WWC1: variants seen among roughly 807,000 people sequenced by gnomAD.
The protein encoded by WWC1 is protein KIBRA.
Under a neutral mutation model 138.4 loss-of-function variants are expected in WWC1, and 55 were observed. The observed-to-expected ratio is 0.40, with a 90% confidence interval of 0.32 to 0.50. WWC1 has a LOEUF of 0.50. Among genes scored for constraint, WWC1 ranks in the 20% least tolerant of loss-of-function variants. WWC1 has a pLI of 0.72. For missense variants in WWC1, 1,226 were observed against 1,420.4 expected (o/e 0.86, Z 2.20); for synonymous variants, 524 against 564.9 (o/e 0.93, Z 1.03).
chr5:168,446,773 A>C (rs1454955384), intron 17 of WWC1, among the ~76,000 whole-genome samples: 1 of 152,252 alleles, frequency 6.6e-6, no homozygotes, highest in Non-Finnish European at 1.5e-5. Flanking sequence ...GATCAGGTGC[A>C]AAGCACATAG....
intron 17 of WWC1, among the ~76,000 whole-genome samples, chr5:168,449,554 C>G (rs1301441489): frequency 6.8e-6 from 1 of 146,354 alleles, no homozygotes; most frequent in African/African-American, 2.5e-5. Context: ...CCTGTGTGTT[C>G]ACATGTTTAA....
chr5:168,321,825 C>T (rs1471962267), intron 1 of WWC1, among the ~76,000 whole-genome samples: 5 of 152,256 alleles, frequency 3.3e-5, no homozygotes, highest in East Asian at 3.8e-4. Flanking sequence ...GCGTGAGCCA[C>T]GGTGCCCAGC....
chr5:168,385,359 G>A lies in WWC1; in HGVS notation c.378G>A (p.Gln126=). 1 of 1,614,104 alleles carries A rather than the reference G, an allele frequency of 6.2e-7. No individual in the cohort carries two copies. The highest frequency in any genetic ancestry group is 1.3e-5 in the African/African-American group (1 of 75,050). Reference sequence around the variant, plus strand: ...AGCAGCGCCTGGAGCTTGCACAGCAGGAGTACCAGCAACTGCATGCCGTCT... The same window carrying A: ...AGCAGCGCCTGGAGCTTGCACAGCAAGAGTACCAGCAACTGCATGCCGTCT... The part of the protein sequence containing the change: ...VKQQRLELAQ[Q]EYQQLHAVWE... Residue 126 remains glutamine (Q), a synonymous_variant, in exon 3 of 23, where the codon CAG becomes CAA. Transcript: ENST00000265293.
rs933956190 is a variant in WWC1, at chr5:168,414,440, A to T, written c.1034A>T (p.Asn345Ile). Residue 345 changes from asparagine to isoleucine, a missense_variant, in exon 9 of 23, where the codon AAC becomes ATC. Around this residue, in one of 3 missense-constraint regions of WWC1, gnomAD observed 1,016 missense variants for 1,153.9 expected, o/e 0.88. Transcript: ENST00000265293. ...GAGAGGGACCGGCTGATCCTTATCA[A>T]CGAGAAGGAGGAGCTGCTGAAGGAG... ...DSERDRLILI[N>I]EKEELLKEMR... 11 of 1,587,624 alleles carry T rather than the reference A, an allele frequency of 6.9e-6. No individual in the cohort carries two copies. In the East Asian group the frequency reaches 1.1e-4, roughly 16 times the overall value.
intron 8 of WWC1, among the ~76,000 whole-genome samples, chr5:168,410,606 G>A (rs1220595417): frequency 1.3e-5 from 2 of 152,168 alleles, no homozygotes; most frequent in Non-Finnish European, 2.9e-5. Context: ...GTCTCGCTAT[G>A]TTACTCAGGC....
rs2152842026 is a variant in WWC1 at position 168,412,178 on chromosome 5, G to A, written c.942-2170G>A. 3.0e-6 allele frequency: 3 copies of A among 985,408 alleles called. No homozygotes were observed. The East Asian group carries it at 3.4e-4, about 112-fold the overall frequency. The allele number at this position is 985,408 out of a possible 1,614,324, so 61.0% of individuals were successfully genotyped here. On this transcript the variant is annotated intron_variant, in intron 8 of 22. Transcript: ENST00000265293. ...ACTGCAGTGCTCTCTCTGGAGTTGA[G>A]CCATTAGACTTCTCATCACAGAGCT...
chr5:168,319,471 G>T (rs1415930126), intron 1 of WWC1, among the ~76,000 whole-genome samples: 8 of 152,136 alleles, frequency 5.3e-5, no homozygotes, highest in Admixed American at 5.2e-4. Context: ...CATTCTGTTA[G>T]GTACATACCC....
intron 2 of WWC1, among the ~76,000 whole-genome samples, chr5:168,380,353 T>A (rs896566357): frequency 6.6e-6 from 1 of 152,000 alleles, no homozygotes; most frequent in Non-Finnish European, 1.5e-5. Flanking sequence ...TGCCAAGTAG[T>A]CCCAGCTACT....
chr5:168,361,346 A>G (rs1244111819), intron 1 of WWC1, among the ~76,000 whole-genome samples: 1 of 152,136 alleles, frequency 6.6e-6, no homozygotes, highest in Non-Finnish European at 1.5e-5. Context: ...TCTTCATTCT[A>G]CTGTGGTGTG....
At chr5:168,336,590 A>C (rs912124323) in intron 1 of WWC1, among the ~76,000 whole-genome samples, 1,701 of 151,198 alleles carry the variant, frequency 0.011, 17 homozygotes, top group Non-Finnish European at 0.021. Context: ...AAAAAAAAAA[A>C]AAAAACAATA....
At chr5:168,327,485 T>C (rs952663359) in intron 1 of WWC1, among the ~76,000 whole-genome samples, 7 of 152,234 alleles carry the variant, frequency 4.6e-5, no homozygotes, top group African/African-American at 7.2e-5. Context: ...TCATGCCCAA[T>C]TGGCAAGTTG....
chr5:168,452,942 T>C (rs1404847543), intron 17 of WWC1, among the ~76,000 whole-genome samples: 1 of 152,172 alleles, frequency 6.6e-6, no homozygotes, highest in Non-Finnish European at 1.5e-5. Flanking sequence ...AGGAGTGAAC[T>C]GTCTGGGCGC....
At position 168,364,003 on chromosome 5, in the gene WWC1, ACG is replaced by A. The variant is rs1324688302; in HGVS notation, c.120-7417_120-7416del. Among the ~76,000 whole-genome samples the A allele has an allele frequency of 3.3e-5, 5 of 152,192 alleles. No homozygotes were observed. In the East Asian group the frequency reaches 9.6e-4, roughly 29 times the overall value. On this transcript the variant is annotated intron_variant, in intron 1 of 22. Coordinates refer to ENST00000265293, the MANE Select transcript of WWC1 (RefSeq NM_015238.3). ...ATAAAGGGTGATGTGATTCTTCACA[ACG>A]CGCAGAACTCTCTGATTATGTTTGC...
chr5:168,441,548 C>T (rs1160607371), intron 15 of WWC1, 134 bp from the exon 16 acceptor site: 7 of 772,526 alleles, frequency 9.1e-6, no homozygotes, highest in South Asian at 2.9e-5. Context: ...ACAACTTGGC[C>T]TCTCTTCCTG....
At chr5:168,350,967 G>A (rs940157189) in intron 1 of WWC1, among the ~76,000 whole-genome samples, 3 of 152,094 alleles carry the variant, frequency 2.0e-5, no homozygotes, top group Admixed American at 1.3e-4. Context: ...CCAACATGGT[G>A]AAACCCTGTC....
intron 3 of WWC1, among the ~76,000 whole-genome samples, chr5:168,389,120 G>T (rs1328263499): frequency 6.6e-6 from 1 of 151,982 alleles, no homozygotes; most frequent in Admixed American, 6.6e-5. Flanking sequence ...AACTAAAGTT[G>T]GGCACTATGA....
chr5:168,438,393 T>C (rs1298084289), intron 15 of WWC1, among the ~76,000 whole-genome samples: 2 of 152,242 alleles, frequency 1.3e-5, no homozygotes, highest in South Asian at 2.1e-4. Flanking sequence ...TTCCCACTTT[T>C]GTTCGGCACT....
At chr5:168,397,093 A>C (rs184480560) in intron 3 of WWC1, among the ~76,000 whole-genome samples, 65 of 152,216 alleles carry the variant, frequency 4.3e-4, no homozygotes, top group African/African-American at 1.4e-3. Context: ...AGTCTTCTTA[A>C]AATGCATATG....
chr5:168,425,973 C>T (rs1057059677), intron 11 of WWC1, among the ~76,000 whole-genome samples: 3 of 152,326 alleles, frequency 2.0e-5, no homozygotes, highest in African/African-American at 7.2e-5. Context: ...GCTGGTGCTC[C>T]TGGCTCCAGG....
Sources: gnomAD v4.1 joint callset for allele counts (sites outside exome capture counted in the v4.1 genomes callset) on GRCh38, gnomAD v4.1.1 for gene constraint, gnomAD v4.1.1 regional missense constraint, MANE v1.5 for transcripts, NCBI Gene and HGNC (gene_info 2026-07-23, HGNC 2026-07-21) for gene names.